Variants in CLK3 observed in about 807,000 individuals in gnomAD.
CLK3 encodes CDC like kinase 3.
Under a neutral mutation model 65.2 loss-of-function variants are expected in CLK3, and 24 were observed. That is an observed-to-expected ratio of 0.37 (90% CI 0.27 to 0.52). The LOEUF is 0.52. CLK3 is among the 20% of genes least tolerant of loss of function. The pLI is 0.92. For synonymous variants in CLK3, 252 were observed against 240.8 expected, an observed-to-expected ratio of 1.05 and a Z score of -0.43; for missense variants, 506 against 660.0, an observed-to-expected ratio of 0.77 and a Z score of 2.56.
chr15:74,618,548 C>T (rs569570598), intron 1 of CLK3, among the ~76,000 whole-genome samples: 14 of 152,204 alleles, frequency 9.2e-5, no homozygotes, highest in Admixed American at 2.6e-4. Flanking sequence ...GCTGGGTCCA[C>T]GTCCCCTTGG....
At chr15:74,620,286 TC>T (rs764392396) in intron 3 of CLK3, 61 bp downstream of exon 3, 3 of 1,599,074 alleles carry the variant, frequency 1.9e-6, no homozygotes, top group South Asian at 1.1e-5. Context: ...CCTAGCCTTC[TC>T]TCAGGCTGGC....
In CLK3 at chr15:74,620,088, T is replaced by A. The variant is rs1042570674; in HGVS notation, c.232T>A (p.Ser78Thr). The change falls in exon 3 of 13, where the codon TCC becomes ACC. Residue 78 changes from serine to threonine, a missense_variant. Physicochemically the swap from Ser to Thr is moderately conservative, Grantham distance 58. Transcript: ENST00000395066. ...DTYRCEERSP[S>T]FGEDYYGPSR... is the part of the protein sequence containing the mutation. ...ATACCGGTGTGAAGAGCGGAGCCCATCCTTTGGAGAGGACTACTATGGACC... is the reference window on the plus strand; with the variant it reads ...ATACCGGTGTGAAGAGCGGAGCCCAACCTTTGGAGAGGACTACTATGGACC... 6.2e-7 allele frequency: 1 copy of A among 1,614,084 alleles called. No individual in the cohort carries two copies. The highest frequency in any genetic ancestry group is 1.3e-5 in the African/African-American group (1 of 74,992).
In CLK3 at chr15:74,625,470, C is replaced by T. The variant is rs540556929; in HGVS notation, c.651-332C>T. 2.0e-4 allele frequency among the ~76,000 whole-genome samples: 31 copies of T among 152,270 alleles called. No homozygotes were observed. In the South Asian group the frequency reaches 6.2e-3, roughly 31 times the overall value. ...AAAGCAGCACCAGTCCTGCGGAGTG[C>T]ACTAGCACTTTCCATCTCTCCCTCA... On this transcript the variant is annotated intron_variant, in intron 6 of 12. Transcript: ENST00000395066.
chr15:74,615,460 C>G (rs917851535), upstream of CLK3: 4 of 1,311,958 alleles, frequency 3.0e-6, no homozygotes, highest in Non-Finnish European at 3.9e-6. Context: ...GAACAATGCC[C>G]GTCCTCTCCG....
chr15:74,626,057 C>A, intron 7 of CLK3, 89 bp downstream of exon 7: 3 of 1,406,480 alleles, frequency 2.1e-6, no homozygotes, highest in Non-Finnish European at 3.0e-6. Context: ...CATTCCAGCA[C>A]GTTACTAACC....
intron 1 of CLK3, 138 bp from the exon 2 acceptor site, chr15:74,619,059 C>T: frequency 1.0e-6 from 1 of 983,564 alleles, no homozygotes; most frequent in East Asian, 2.4e-5. Context: ...TTCTTCTTCA[C>T]TTCATAAACC....
chr15:74,617,267 C>G (rs1349938181), intron 1 of CLK3, among the ~76,000 whole-genome samples: 1 of 152,202 alleles, frequency 6.6e-6, no homozygotes, highest in African/African-American at 2.4e-5. Context: ...GTTTAGTTTT[C>G]TGCCAGAGCT....
intron 1 of CLK3, chr15:74,618,969 C>T: frequency 2.0e-6 from 1 of 494,340 alleles, no homozygotes; most frequent in Non-Finnish European, 3.6e-6. Context: ...TAGTGATGCT[C>T]TGCTGGGAGC....
upstream of CLK3, chr15:74,615,390 C>T: frequency 8.2e-7 from 1 of 1,222,114 alleles, no homozygotes; most frequent in African/African-American, 1.6e-5. Context: ...GAGTCGCGTC[C>T]GCCTTCCCGA....
In CLK3 at chr15:74,621,805, C is replaced by A. The variant is rs1156598995; in HGVS notation, c.370-315C>A. 2.6e-6 allele frequency: 1 copy of A among 383,726 alleles called. No homozygotes were observed. The highest frequency in any genetic ancestry group is 3.3e-5 in the Admixed American group (1 of 29,902). The allele number at this position is 383,726 out of a possible 1,614,324, so 23.8% of individuals were successfully genotyped here. A position where few individuals can be genotyped will look rare whatever the true frequency, so the allele number is the denominator to read the frequency against. The stretch of plus-strand genomic sequence containing the variant: ...CTCCTCACAGCGTGGCCCTCAGCAG[C>A]AGAGGCAGGTCATCTTCCTGAGCGT... On this transcript the variant is annotated intron_variant, in intron 3 of 12. Coordinates refer to ENST00000395066, the MANE Select transcript of CLK3 (RefSeq NM_001130028.2). The surrounding 1 kb of genome is among the most constrained non-coding windows in gnomAD (Gnocchi z 4.8).
In CLK3 at chr15:74,628,703, C is replaced by T. The variant is rs747244179; in HGVS notation, c.1205+20C>T. ...TACCAGGTAAGGACCCCAGTAGCCC[C>T]CTCAGGGTTGGTATAGAGGCCTTTC... On this transcript the variant is annotated intron_variant, in intron 11 of 12. Transcript: ENST00000395066. 6 of 1,599,524 alleles carry T rather than the reference C, an allele frequency of 3.8e-6. No homozygotes were observed. Among genetic ancestry groups the T allele is most frequent in the Non-Finnish European group, 5.1e-6 (6 of 1,171,538 alleles).
chr15:74,612,992 AG>A (rs1332459938), upstream of CLK3, among the ~76,000 whole-genome samples: 1 of 152,210 alleles, frequency 6.6e-6, no homozygotes, highest in Non-Finnish European at 1.5e-5. Flanking sequence ...TGTCCTGAGC[AG>A]GGGGGCAGGC....
intron 1 of CLK3, among the ~76,000 whole-genome samples, chr15:74,617,360 T>C (rs1017662924): frequency 1.1e-4 from 16 of 152,214 alleles, no homozygotes; most frequent in African/African-American, 3.6e-4. Flanking sequence ...CCTGGAACTT[T>C]CAGATGTTCA....
At chr15:74,626,385 A>G (rs1014351153) in intron 7 of CLK3, among the ~76,000 whole-genome samples, 1 of 152,204 alleles carries the variant, frequency 6.6e-6, no homozygotes, top group Non-Finnish European at 1.5e-5. Context: ...CTGGAAAAGC[A>G]TTATTTGGCA....
In CLK3 at chr15:74,627,845, TGA is replaced by T. The variant is rs754919571; in HGVS notation, c.1043-119_1043-118del. On this transcript the variant is annotated intron_variant, in intron 9 of 12. Coordinates refer to ENST00000395066, the MANE Select transcript of CLK3 (RefSeq NM_001130028.2). This position sits in a 1 kb window ranked among gnomAD's most constrained non-coding sequence, Gnocchi z 4.3. ...ACCTGGCTTTATCTGTCAGCCTTAC[TGA>T]GAGAGGGCCTCGTACTGGGATTTGG... is the stretch of plus-strand genomic sequence containing the variant. 3 of 1,184,978 alleles carry T rather than the reference TGA, an allele frequency of 2.5e-6. No homozygotes were observed. Among genetic ancestry groups the T allele is most frequent in the Non-Finnish European group, 3.7e-6 (3 of 806,392 alleles). The allele number at this position is 1,184,978 out of a possible 1,614,324, so 73.4% of individuals were successfully genotyped here. A position where few individuals can be genotyped will look rare whatever the true frequency, so the allele number is the denominator to read the frequency against.
Position 74,628,700 on chromosome 15 carries a change from C to T in CLK3, c.1205+17C>T, listed in dbSNP as rs758539023. ...CCGTACCAGGTAAGGACCCCAGTAG[C>T]CCCCTCAGGGTTGGTATAGAGGCCT... On this transcript the variant is annotated intron_variant, in intron 11 of 12. Transcript: ENST00000395066. The T allele has an allele frequency of 5.6e-6, 9 of 1,601,292 alleles. No individual in the cohort carries two copies. Among genetic ancestry groups the T allele is most frequent in the Non-Finnish European group, 6.8e-6 (8 of 1,172,474 alleles).
intron 1 of CLK3, among the ~76,000 whole-genome samples, chr15:74,609,291 C>T (rs549839099): frequency 1.3e-5 from 2 of 152,330 alleles, no homozygotes; most frequent in African/African-American, 4.8e-5. Flanking sequence ...CCCGCAGAGG[C>T]TTCTCTACAC....
intron 7 of CLK3, 72 bp downstream of exon 7, chr15:74,626,040 C>T (rs750036959): frequency 2.1e-4 from 321 of 1,524,780 alleles, no homozygotes; most frequent in Non-Finnish European, 2.8e-4. Context: ...TACTTGTTGT[C>T]CCCATTCATT....
upstream of CLK3, chr15:74,613,070 T>A (rs1382357228): frequency 6.6e-6 from 1 of 152,286 alleles, no homozygotes; most frequent in Non-Finnish European, 1.5e-5. Flanking sequence ...GTGAATTAAC[T>A]GCCTCCAGAG....
Sources: gnomAD v4.1 joint callset for allele counts (sites outside exome capture counted in the v4.1 genomes callset) on GRCh38, gnomAD v4.1.1 for gene constraint, Gnocchi (gnomAD v3.1) non-coding constraint, MANE v1.5 for transcripts, NCBI Gene and HGNC (gene_info 2026-07-23, HGNC 2026-07-21) for gene names.